Variants in UNC13B observed in about 807,000 individuals in gnomAD.
UNC13B encodes the protein protein unc-13 homolog B.
Under a neutral mutation model 211.0 loss-of-function variants are expected in UNC13B, and 144 were observed. The observed-to-expected ratio is 0.68, with a 90% CI of 0.60 to 0.78. The LOEUF (loss-of-function observed/expected upper bound fraction) is 0.78. Ranked by LOEUF, UNC13B falls within the 30% of genes least tolerant of loss-of-function variation. The probability of loss-of-function intolerance (pLI) is 0.00; values close to 1 mark genes in which losing one functional copy is unlikely to be tolerated. For missense variants in UNC13B, 1,777 were observed against 2,002.0 expected (o/e 0.89, Z 2.14); for synonymous variants, 709 against 725.8 (o/e 0.98, Z 0.37).
At chr9:35,190,979 A>T (rs1411962111) in intron 1 of UNC13B, among the ~76,000 whole-genome samples, 2 of 151,912 alleles carry the variant, frequency 1.3e-5, no homozygotes, top group Non-Finnish European at 2.9e-5. Context: ...TTTTTTTTTG[A>T]GACAGAGTCT....
intron 12 of UNC13B, among the ~76,000 whole-genome samples, chr9:35,367,836 AAAGAGAG>A (rs1833873898): frequency 6.6e-6 from 1 of 152,168 alleles, no homozygotes; most frequent in Admixed American, 6.5e-5. Context: ...GACTGTTCTT[AAAGAGAG>A]AAGAGAGTTC....
At chr9:35,333,165 A>G (rs536936752) in intron 11 of UNC13B, among the ~76,000 whole-genome samples, 95 of 152,344 alleles carry the variant, frequency 6.2e-4, no homozygotes, top group African/African-American at 2.2e-3. Context: ...GCTAAATGAA[A>G]AATAGCATTA....
chr9:35,287,590 C>T (rs1828871170), intron 7 of UNC13B, among the ~76,000 whole-genome samples: 1 of 152,056 alleles, frequency 6.6e-6, no homozygotes. Context: ...TGTGATTGTT[C>T]CTTAGGGTTC....
intron 1 of UNC13B, among the ~76,000 whole-genome samples, chr9:35,164,945 G>C (rs1387935084): frequency 6.6e-6 from 1 of 152,168 alleles, no homozygotes; most frequent in East Asian, 1.9e-4. Flanking sequence ...TGGTGACCCA[G>C]ACAAAGGAAG....
chr9:35,403,505 A>G lies in UNC13B; in HGVS notation c.12643A>G (p.Met4215Val), dbSNP rs577404650. ...GMFRPFVEVTMVGPHQSDKKR... is the reference protein window; with the variant it reads ...GMFRPFVEVTVVGPHQSDKKR... ...GTTCCGGCCTTTCGTGGAGGTGACT[A>G]TGGTTGGCCCACACCAAAGTGATAA... The change falls in exon 39 of 40, where the codon ATG becomes GTG. Residue 4215 changes from methionine to valine, a missense_variant. Physicochemically the swap from Met to Val is conservative, Grantham distance 21 (BLOSUM62 1). Coordinates refer to ENST00000635942, the MANE Select transcript of UNC13B (RefSeq NM_001371189.2). 3.7e-6 allele frequency: 6 copies of G among 1,613,912 alleles called. No individual in the cohort carries two copies. In the African/African-American group the frequency reaches 4.0e-5, roughly 11 times the overall value.
chr9:35,211,474 A>T (rs1473991305), intron 1 of UNC13B, among the ~76,000 whole-genome samples: 1 of 152,202 alleles, frequency 6.6e-6, no homozygotes, highest in South Asian at 2.1e-4. Context: ...TTCATTATAT[A>T]GGTGTATTTT....
chr9:35,312,754 G>T (rs1040478429), intron 10 of UNC13B, among the ~76,000 whole-genome samples: 2 of 152,226 alleles, frequency 1.3e-5, no homozygotes, highest in Non-Finnish European at 2.9e-5. Flanking sequence ...TTGTTGCCAA[G>T]AATTAACCAC....
chr9:35,170,960 A>G (rs1042733603), intron 1 of UNC13B, among the ~76,000 whole-genome samples: 1 of 152,032 alleles, frequency 6.6e-6, no homozygotes, highest in African/African-American at 2.4e-5. Flanking sequence ...ATGCTTGTGC[A>G]ACCATACATG....
intron 5 of UNC13B, among the ~76,000 whole-genome samples, chr9:35,241,125 G>A (rs1825784343): frequency 6.6e-6 from 1 of 151,676 alleles, no homozygotes; most frequent in African/African-American, 2.4e-5. Flanking sequence ...TGGTGGGCAT[G>A]TCACTAAGTA....
At chr9:35,400,147 A>T in intron 36 of UNC13B, 149 bp from the exon 37 acceptor site, 2 of 1,138,780 alleles carry the variant, frequency 1.8e-6, no homozygotes, top group Non-Finnish European at 2.5e-6. Context: ...TACCCAAATA[A>T]TACTCATCCA....
At chr9:35,263,864 A>C (rs1827418125) in intron 7 of UNC13B, among the ~76,000 whole-genome samples, 2 of 152,190 alleles carry the variant, frequency 1.3e-5, no homozygotes, top group African/African-American at 4.8e-5. Flanking sequence ...AGCCAGGAAG[A>C]AAGCCCTCAC....
At chr9:35,355,671 A>G (rs1409373232) in intron 11 of UNC13B, among the ~76,000 whole-genome samples, 1 of 152,226 alleles carries the variant, frequency 6.6e-6, no homozygotes, top group Non-Finnish European at 1.5e-5. Context: ...TGCCATTTCA[A>G]CCTAGCAGAA....
chr9:35,379,624 T>C (rs1181899041), intron 17 of UNC13B, among the ~76,000 whole-genome samples: 1 of 152,214 alleles, frequency 6.6e-6, no homozygotes, highest in Non-Finnish European at 1.5e-5. Flanking sequence ...TGCCCACTTT[T>C]AGTAAACAGT....
chr9:35,366,633 G>A (rs573810958), intron 11 of UNC13B, among the ~76,000 whole-genome samples: 1 of 152,256 alleles, frequency 6.6e-6, no homozygotes, highest in African/African-American at 2.4e-5. Context: ...TCCTGTGCTT[G>A]GTTTACTGCT....
At position 35,239,349 on chromosome 9, in the gene UNC13B, C is replaced by A. The variant is rs576755631; in HGVS notation, c.394+1523C>A. Among the ~76,000 whole-genome samples, 4 of 152,114 alleles carry A rather than the reference C, an allele frequency of 2.6e-5. No homozygotes were observed. In the East Asian group the frequency reaches 5.8e-4, roughly 22 times the overall value. ...ATGTCGGCAGGTTCTGTGATGCCCC[C>A]CAAGCCACAAAACCAGCAAGTTTTT... On this transcript the variant is annotated intron_variant, in intron 5 of 39. Transcript: ENST00000635942.
chr9:35,356,571 C>A (rs1211845347), intron 11 of UNC13B, among the ~76,000 whole-genome samples: 1 of 152,052 alleles, frequency 6.6e-6, no homozygotes, highest in East Asian at 1.9e-4. Flanking sequence ...AGTTGATGAT[C>A]ACTTTCCTCT....
At chr9:35,189,027 T>C (rs1350855162) in intron 1 of UNC13B, among the ~76,000 whole-genome samples, 3 of 152,266 alleles carry the variant, frequency 2.0e-5, no homozygotes, top group Non-Finnish European at 4.4e-5. Flanking sequence ...TTGGATTTAA[T>C]GTTTACACAT....
chr9:35,403,913 C>A lies in UNC13B; in HGVS notation c.12903C>A (p.Ile4301=). Residue 4301 remains isoleucine (I), a synonymous_variant, in exon 40 of 40, where the codon ATC becomes ATA. Coordinates refer to ENST00000635942, the MANE Select transcript of UNC13B (RefSeq NM_001371189.2). The part of the protein sequence containing the change: ...CACWCPLGRK[I]HMDETGLTIL... ...GCTGGTGCCCCTTGGGCCGGAAGATCCATATGGATGAGACAGGCCTGACCA... is the reference window on the plus strand; with the variant it reads ...GCTGGTGCCCCTTGGGCCGGAAGATACATATGGATGAGACAGGCCTGACCA... 6.2e-7 allele frequency: 1 copy of A among 1,614,152 alleles called. No individual in the cohort carries two copies. Among genetic ancestry groups the A allele is most frequent in the Non-Finnish European group, 8.5e-7 (1 of 1,180,032 alleles).
intron 1 of UNC13B, among the ~76,000 whole-genome samples, chr9:35,166,086 A>G (rs1363848802): frequency 2.6e-5 from 4 of 152,104 alleles, no homozygotes; most frequent in Non-Finnish European, 4.4e-5. Flanking sequence ...TTTCCCCCAA[A>G]AGTAATAAAT....
Sources: gnomAD v4.1 joint callset for allele counts (sites outside exome capture counted in the v4.1 genomes callset) on GRCh38, gnomAD v4.1.1 for gene constraint, MANE v1.5 for transcripts, NCBI Gene and HGNC (gene_info 2026-07-23, HGNC 2026-07-21) for gene names.